UBR1: variants seen among roughly 807,000 people sequenced by gnomAD.
UBR1 encodes the protein E3 ubiquitin-protein ligase UBR1.
UBR1 carries 102 observed loss-of-function variants against 242.1 expected under a neutral mutation model. The observed-to-expected ratio is 0.42, with a 90% CI of 0.36 to 0.50. UBR1 has a LOEUF of 0.50. UBR1 is among the 20% of genes least tolerant of loss of function. The pLI is 0.01. For synonymous variants in UBR1, 675 were observed against 684.8 expected, an observed-to-expected ratio of 0.99 and a Z score of 0.22; for missense variants, 1,772 against 2,101.8, an observed-to-expected ratio of 0.84 and a Z score of 3.07.
chr15:43,005,959 G>A (rs564355021), intron 30 of UBR1, among the ~76,000 whole-genome samples: 37 of 146,632 alleles, frequency 2.5e-4, no homozygotes, highest in Admixed American at 6.8e-4. Context: ...GCGGAAGGCC[G>A]CAGGGTCCTC....
chr15:43,025,091 AAAC>A (rs1172437600), intron 24 of UBR1, 108 bp from the exon 25 acceptor site: 111 of 1,380,322 alleles, frequency 8.0e-5, no homozygotes, highest in Non-Finnish European at 9.8e-5. Flanking sequence ...GTTACATGCA[AAAC>A]AACACATGCT....
At chr15:43,032,865 T>TC (rs2033275555) in intron 19 of UBR1, among the ~76,000 whole-genome samples, 1 of 152,126 alleles carries the variant, frequency 6.6e-6, no homozygotes, top group Admixed American at 6.6e-5. Flanking sequence ...ATTATCATTA[T>TC]CCCCCACATA....
At position 43,029,473 on chromosome 15, in the gene UBR1, T is replaced by C. The variant is rs531506622; in HGVS notation, c.2379+471A>G. Reference sequence around the variant, plus strand: ...TAACGCAGGCTCATTCTGGGAGACATGGGGAGGGACAGATGGAAAGGCCAT... The same window carrying C: ...TAACGCAGGCTCATTCTGGGAGACACGGGGAGGGACAGATGGAAAGGCCAT... On this transcript the variant is annotated intron_variant, in intron 21 of 46. Coordinates refer to ENST00000290650, the MANE Select transcript of UBR1 (RefSeq NM_174916.3). 3.3e-5 allele frequency among the ~76,000 whole-genome samples: 5 copies of C among 152,258 alleles called. No homozygotes were observed. The East Asian group carries it at 9.7e-4, about 29-fold the overall frequency.
chr15:43,020,672 T>A (rs1389416900), intron 27 of UBR1, among the ~76,000 whole-genome samples: 2 of 152,202 alleles, frequency 1.3e-5, no homozygotes, highest in African/African-American at 2.4e-5. Flanking sequence ...ACCTACAAGA[T>A]CCGGCCCCTG....
intron 1 of UBR1, among the ~76,000 whole-genome samples, chr15:43,093,607 C>A (rs1041654828): frequency 6.6e-6 from 1 of 151,832 alleles, no homozygotes; most frequent in Non-Finnish European, 1.5e-5. Context: ...ATGGTAAAAC[C>A]CCATCTCTAC....
At chr15:43,057,384 A>G (rs1255808736) in intron 10 of UBR1, among the ~76,000 whole-genome samples, 1 of 152,190 alleles carries the variant, frequency 6.6e-6, no homozygotes, top group Non-Finnish European at 1.5e-5. Flanking sequence ...CTTGGGTCCT[A>G]TATCTATCTT....
intron 19 of UBR1, among the ~76,000 whole-genome samples, chr15:43,034,303 G>A (rs576696396): frequency 1.4e-3 from 209 of 150,914 alleles, no homozygotes; most frequent in African/African-American, 5.0e-3. Flanking sequence ...TGAGCTGGGC[G>A]TGGTGGCTTA....
chr15:43,059,598 A>G (rs2033658467), intron 8 of UBR1, 104 bp downstream of exon 8: 23 of 1,412,424 alleles, frequency 1.6e-5, no homozygotes, highest in Non-Finnish European at 2.2e-5. Flanking sequence ...CAAAAAAAAA[A>G]AAAAAAGAAA....
At chr15:43,002,857 T>G (rs1240999148) in intron 31 of UBR1, among the ~76,000 whole-genome samples, 153 bp from the exon 32 acceptor site, 1 of 152,206 alleles carries the variant, frequency 6.6e-6, no homozygotes, top group Non-Finnish European at 1.5e-5. Context: ...CAAGTTGTAA[T>G]TATAGAAGAA....
Position 42,988,903 on chromosome 15 carries a change from C to T in UBR1, c.3913G>A (p.Gly1305Arg). Reference sequence around the variant, plus strand: ...CTTTCATCAGGTGGCACTTTCAATCCAATTCTATAAATTGTTGTGGCAAAG... The same window carrying T: ...CTTTCATCAGGTGGCACTTTCAATCTAATTCTATAAATTGTTGTGGCAAAG... ...ILFATTIYRI[G>R]LKVPPDERDP... Residue 1305 changes from glycine (G) to arginine (R), a missense_variant, in exon 35 of 47, where the codon GGA becomes AGA. By Grantham distance (125) the Gly-to-Arg change is moderately radical. This residue lies in a region of UBR1 where 965 missense variants were observed against 1,079.7 expected (regional missense o/e 0.89). Coordinates refer to ENST00000290650, the MANE Select transcript of UBR1 (RefSeq NM_174916.3). 6.2e-7 allele frequency: 1 copy of T among 1,613,208 alleles called. No homozygotes were observed. The highest frequency in any genetic ancestry group is 2.2e-5 in the East Asian group (1 of 44,874).
intron 33 of UBR1, among the ~76,000 whole-genome samples, chr15:42,993,815 G>A (rs988466951): frequency 7.2e-5 from 11 of 151,954 alleles, no homozygotes; most frequent in African/African-American, 2.7e-4. Flanking sequence ...TCCAGCCTGG[G>A]GGGCAGAGCG....
chr15:43,034,362 A>T (rs2033302127), intron 19 of UBR1, among the ~76,000 whole-genome samples: 1 of 151,838 alleles, frequency 6.6e-6, no homozygotes, highest in Non-Finnish European at 1.5e-5. Context: ...GAATCACTAG[A>T]ATGGGAGAAG....
intron 2 of UBR1, among the ~76,000 whole-genome samples, chr15:43,084,383 A>G (rs2034008234): frequency 6.6e-6 from 1 of 152,216 alleles, no homozygotes; most frequent in Admixed American, 6.5e-5. Context: ...ATTGGGCTTT[A>G]GCTAAAAATA....
rs780093544 is a variant in UBR1 at position 43,017,110 on chromosome 15, A to G, written c.3012T>C (p.Ser1004=). The G allele has an allele frequency of 1.2e-6, 2 of 1,613,210 alleles. No individual in the cohort carries two copies. Among genetic ancestry groups the G allele is most frequent in the African/African-American group, 2.7e-5 (2 of 74,930 alleles). Residue 1004 remains serine, a synonymous_variant, in exon 28 of 47, where the codon TCT becomes TCC. Coordinates refer to ENST00000290650, the MANE Select transcript of UBR1 (RefSeq NM_174916.3). The stretch of plus-strand genomic sequence containing the variant: ...AGTGTCATACCTCATCATTCTTAAT[A>G]GATTCCGATCCTGATGTGGTTGCTA... ...LIVATTSGSE[S]IKNDEITHDK...
chr15:43,027,975 A>T, intron 21 of UBR1, 147 bp from the exon 22 acceptor site: 2 of 736,912 alleles, frequency 2.7e-6, no homozygotes, highest in Non-Finnish European at 4.5e-6. Context: ...AATTAGGTCT[A>T]AAACCAATTA....
chr15:43,076,532 T>C lies in UBR1; in HGVS notation c.418-1443A>G, dbSNP rs559467875. ...CTGCCCGGCCGCCCATCGTCTGAGATGTGGGGAGCGCCTCTGCCCCGCCGC... is the reference window on the plus strand; with the variant it reads ...CTGCCCGGCCGCCCATCGTCTGAGACGTGGGGAGCGCCTCTGCCCCGCCGC... On this transcript the variant is annotated intron_variant, in intron 3 of 46. Coordinates refer to ENST00000290650, the MANE Select transcript of UBR1 (RefSeq NM_174916.3). Among the ~76,000 whole-genome samples, 654 of 145,870 alleles carry C rather than the reference T, an allele frequency of 4.5e-3. 1 individual carries two copies. Among genetic ancestry groups the C allele is most frequent in the Middle Eastern group, 0.014 (4 of 284 alleles).
chr15:43,087,353 C>T (rs1234622503), intron 1 of UBR1, among the ~76,000 whole-genome samples: 5 of 151,342 alleles, frequency 3.3e-5, no homozygotes, highest in East Asian at 1.9e-4. Context: ...TGCAGTGAGC[C>T]GAGAATGCGC....
At chr15:42,978,376 T>C (rs989697633) in intron 37 of UBR1, among the ~76,000 whole-genome samples, 2 of 152,128 alleles carry the variant, frequency 1.3e-5, no homozygotes, top group African/African-American at 4.8e-5. Flanking sequence ...ACAGAGTAGG[T>C]AAAATGAGGA....
Position 42,976,985 on chromosome 15 carries a change from A to C in UBR1, c.4219-118T>G, listed in dbSNP as rs971038450. 6.3e-6 allele frequency: 7 copies of C among 1,117,470 alleles called. No homozygotes were observed. The African/African-American group carries it at 1.1e-4, about 17-fold the overall frequency. The allele number at this position is 1,117,470 out of a possible 1,614,324, so 69.2% of individuals were successfully genotyped here. On this transcript the variant is annotated intron_variant, in intron 38 of 46. Transcript: ENST00000290650. The stretch of plus-strand genomic sequence containing the variant: ...ACAGTGTTTGTGTGTGTGTTTTTTA[A>C]TAAAAACCATATTTTTCTTATTTAT...
Sources: allele counts gnomAD v4.1 joint callset (sites outside exome capture counted in the v4.1 genomes callset), GRCh38; gene constraint gnomAD v4.1.1; regional missense constraint gnomAD v4.1.1; transcripts MANE v1.5; gene names NCBI Gene and HGNC (gene_info 2026-07-23, HGNC 2026-07-21).